Variants in SGCD observed in about 807,000 individuals in gnomAD.
SGCD encodes delta-sarcoglycan.
SGCD carries 18 observed loss-of-function variants against 36.6 expected under a neutral mutation model. That is an observed-to-expected ratio of 0.49 (90% CI 0.34 to 0.73). SGCD has a LOEUF of 0.73. Ranked by LOEUF, SGCD falls within the 30% of genes least tolerant of loss-of-function variation. SGCD has a pLI of 0.01. For synonymous variants in SGCD, 133 were observed against 130.6 expected (o/e 1.02, Z -0.12); for missense variants, 387 against 346.7 (o/e 1.12, Z -0.92).
intron 1 of SGCD, among the ~76,000 whole-genome samples, chr5:155,989,233 G>T (rs1178429911): frequency 3.3e-5 from 5 of 152,152 alleles, no homozygotes; most frequent in African/African-American, 1.2e-4. Flanking sequence ...TGTAGGTTAT[G>T]TGGTTTCTGC....
At chr5:155,783,375 A>G in the SGCD span, among the ~76,000 whole-genome samples, 1 of 152,158 alleles carries the variant, frequency 6.6e-6, no homozygotes, top group Non-Finnish European at 1.5e-5. Flanking sequence ...GTTTACTTGA[A>G]TTCATGGATG....
intron 7 of SGCD, among the ~76,000 whole-genome samples, chr5:156,679,161 T>C (rs1324787729): frequency 6.6e-6 from 1 of 152,190 alleles, no homozygotes; most frequent in Non-Finnish European, 1.5e-5. Context: ...TGATGCAAAA[T>C]GCTTTTGACA....
chr5:156,040,876 G>C (rs182878116), intron 1 of SGCD, among the ~76,000 whole-genome samples: 5 of 152,234 alleles, frequency 3.3e-5, no homozygotes, highest in Admixed American at 3.3e-4. Context: ...TGATGTGTAA[G>C]CCTCTAATTT....
chr5:156,744,471 AAGAC>A (rs1756848881), intron 7 of SGCD, among the ~76,000 whole-genome samples: 1 of 152,166 alleles, frequency 6.6e-6, no homozygotes, highest in African/African-American at 2.4e-5. Context: ...TTCAGGAAGA[AAGAC>A]AGAAGTGGTG....
the SGCD span, among the ~76,000 whole-genome samples, chr5:155,813,113 C>CA: frequency 4.7e-5 from 7 of 149,190 alleles, no homozygotes; most frequent in East Asian, 2.0e-4. Context: ...ATCTAGTAAG[C>CA]AAAAAAAAGG....
chr5:156,499,740 T>C (rs1461922537), intron 3 of SGCD, among the ~76,000 whole-genome samples: 1 of 152,170 alleles, frequency 6.6e-6, no homozygotes, highest in Non-Finnish European at 1.5e-5. Flanking sequence ...GCAGGTGCAG[T>C]CATGAAGTGT....
upstream of SGCD, among the ~76,000 whole-genome samples, chr5:156,325,695 C>A (rs1767788161): frequency 6.6e-6 from 1 of 152,192 alleles, no homozygotes; most frequent in African/African-American, 2.4e-5. Context: ...AAACCCTGGA[C>A]AAGTCATCTC....
At chr5:156,266,313 T>C (rs1765998820) in intron 3 of SGCD, among the ~76,000 whole-genome samples, 1 of 152,086 alleles carries the variant, frequency 6.6e-6, no homozygotes, top group Non-Finnish European at 1.5e-5. Flanking sequence ...TAACATGGAG[T>C]CAGAGCATCC....
At chr5:156,014,881 C>T (rs1758933432) in intron 1 of SGCD, among the ~76,000 whole-genome samples, 1 of 152,144 alleles carries the variant, frequency 6.6e-6, no homozygotes, top group South Asian at 2.1e-4. Context: ...AATGCTTCCT[C>T]GTAGGGAAGT....
At chr5:156,320,491 C>T (rs1360835264) in intron 3 of SGCD, among the ~76,000 whole-genome samples, 2 of 152,076 alleles carry the variant, frequency 1.3e-5, no homozygotes, top group Non-Finnish European at 2.9e-5. Context: ...AAGAATTGGT[C>T]AGTGTTTTTC....
intron 4 of SGCD, among the ~76,000 whole-genome samples, chr5:156,555,439 G>A (rs1035247313): frequency 6.6e-6 from 1 of 152,036 alleles, no homozygotes; most frequent in Non-Finnish European, 1.5e-5. Flanking sequence ...TTTACATATA[G>A]CTATTCTGTC....
chr5:156,580,213 C>T (rs1415484604), intron 4 of SGCD, among the ~76,000 whole-genome samples: 1 of 152,156 alleles, frequency 6.6e-6, no homozygotes, highest in Non-Finnish European at 1.5e-5. Flanking sequence ...GTTGAAAACT[C>T]TTTTCTTTAA....
At chr5:156,308,975 G>A (rs2127689164) in intron 3 of SGCD, among the ~76,000 whole-genome samples, 1 of 152,058 alleles carries the variant, frequency 6.6e-6, no homozygotes, top group African/African-American at 2.4e-5. Context: ...CACTTTGAAT[G>A]TATCCGCCCA....
intron 1 of SGCD, among the ~76,000 whole-genome samples, chr5:155,904,228 G>A (rs991491283): frequency 5.9e-5 from 9 of 152,286 alleles, no homozygotes; most frequent in African/African-American, 2.2e-4. Flanking sequence ...CCAAACAGGA[G>A]CAAGTTTCCC....
At chr5:156,367,522 C>T (rs1450235957) in intron 3 of SGCD, among the ~76,000 whole-genome samples, 2 of 152,174 alleles carry the variant, frequency 1.3e-5, no homozygotes, top group African/African-American at 4.8e-5. Context: ...TTTTAAAAGG[C>T]TCAATCTATG....
At chr5:156,173,547 G>C (rs564002133) in intron 3 of SGCD, among the ~76,000 whole-genome samples, 1 of 152,110 alleles carries the variant, frequency 6.6e-6, no homozygotes, top group South Asian at 2.1e-4. Flanking sequence ...GAAAAAAAGA[G>C]AGAATAAACA....
intron 1 of SGCD, among the ~76,000 whole-genome samples, chr5:155,998,959 A>G (rs1183870281): frequency 6.6e-6 from 1 of 152,198 alleles, no homozygotes; most frequent in East Asian, 1.9e-4. Context: ...CATTTGTGAA[A>G]ATATTTATTG....
At chr5:156,387,025 T>C (rs1771312609) in intron 3 of SGCD, among the ~76,000 whole-genome samples, 1 of 152,206 alleles carries the variant, frequency 6.6e-6, no homozygotes, top group Admixed American at 6.5e-5. Flanking sequence ...GAATGCCTAA[T>C]GGATTCTGAA....
chr5:155,766,736 C>T, the SGCD span, among the ~76,000 whole-genome samples: 1 of 152,132 alleles, frequency 6.6e-6, no homozygotes, highest in African/African-American at 2.4e-5. Flanking sequence ...ATCTTACTCA[C>T]TAGAACTCTA....
Sources: gnomAD v4.1 joint callset for allele counts (sites outside exome capture counted in the v4.1 genomes callset) on GRCh38, gnomAD v4.1.1 for gene constraint, MANE v1.5 for transcripts, NCBI Gene and HGNC (gene_info 2026-07-23, HGNC 2026-07-21) for gene names.